IFT88: variants seen among roughly 807,000 people sequenced by gnomAD.
IFT88 encodes intraflagellar transport protein 88 homolog.
A neutral mutation model predicts 119.5 loss-of-function variants in IFT88; 74 were observed. The observed-to-expected ratio is 0.62, with a 90% CI of 0.51 to 0.75. The LOEUF is 0.75. Ranked by LOEUF, IFT88 falls within the 30% of genes least tolerant of loss-of-function variation. The pLI is 0.00. For missense variants in IFT88, 961 were observed against 977.7 expected, an observed-to-expected ratio of 0.98 and a Z score of 0.23; for synonymous variants, 279 against 316.7, an observed-to-expected ratio of 0.88 and a Z score of 1.26.
rs371403088 is a variant in IFT88, at chr13:20,578,083, A to C, written c.90+3608A>C. Among the ~76,000 whole-genome samples the C allele has an allele frequency of 1.0e-4, 11 of 108,860 alleles. No homozygotes were observed. The East Asian group carries it at 3.6e-3, about 36-fold the overall frequency. The allele number at this position is 108,860 out of a possible 152,430, so 71.4% of individuals were successfully genotyped here. ...TTTTTCAGATGGAGTCTCACTCTGT[A>C]GCCCAGGCTGGAGTGCAGTGGTGCA... On this transcript the variant is annotated intron_variant, in intron 2 of 25. Coordinates refer to ENST00000351808, the MANE Select transcript of IFT88 (RefSeq NM_006531.5).
Position 20,653,868 on chromosome 13 carries a change from T to C in IFT88, c.1950-8T>C. 1 of 1,516,854 alleles carries C rather than the reference T, an allele frequency of 6.6e-7. No individual in the cohort carries two copies. The highest frequency in any genetic ancestry group is 8.9e-7 in the Non-Finnish European group (1 of 1,120,646). 94.0% of individuals were successfully genotyped at this position (1,516,854 alleles called of 1,614,324 possible). On this transcript the variant is annotated splice_polypyrimidine_tract_variant and splice_region_variant and intron_variant, in intron 20 of 25. Transcript: ENST00000351808. ...TCTCTAATTTCATCTCATTTATTTA[T>C]TTTATAGGCCTACACAAGTGAAATG...
intron 24 of IFT88, among the ~76,000 whole-genome samples, chr13:20,680,680 C>G (rs989499659): frequency 2.4e-4 from 37 of 152,192 alleles, no homozygotes; most frequent in Admixed American, 2.2e-3. Context: ...TCCTTATTGT[C>G]AGTCTCAACA....
chr13:20,680,359 T>G (rs963677169), intron 24 of IFT88, among the ~76,000 whole-genome samples: 1 of 152,248 alleles, frequency 6.6e-6, no homozygotes, highest in African/African-American at 2.4e-5. Flanking sequence ...CTCTATCATC[T>G]ATAGAACTAG....
intron 2 of IFT88, among the ~76,000 whole-genome samples, chr13:20,580,872 C>T (rs1175217784): frequency 2.0e-5 from 3 of 151,736 alleles, no homozygotes; most frequent in African/African-American, 7.3e-5. Flanking sequence ...ACTACAGGCG[C>T]CCGCCACCAC....
At chr13:20,590,837 C>G (rs2040544463) in intron 4 of IFT88, 130 bp from the exon 5 acceptor site, 1 of 632,198 alleles carries the variant, frequency 1.6e-6, no homozygotes, top group South Asian at 2.0e-5. Flanking sequence ...CCTATACGCC[C>G]AGGAGGTACA....
intron 21 of IFT88, among the ~76,000 whole-genome samples, chr13:20,656,121 T>TAAAAAAAA (rs2052735925): frequency 4.2e-4 from 1 of 2,374 alleles, no homozygotes; most frequent in Non-Finnish European, 1.1e-3. Context: ...CCTCGTCTCT[T>TAAAAAAAA]TAAAAAAAAA....
intron 3 of IFT88, among the ~76,000 whole-genome samples, chr13:20,587,994 T>C (rs991365998): frequency 9.5e-5 from 9 of 94,460 alleles, no homozygotes; most frequent in African/African-American, 3.1e-4. Flanking sequence ...TCTTACTATT[T>C]GCTTTTTTTT....
In IFT88 at chr13:20,679,396, C is replaced by T. The variant is rs114899940; in HGVS notation, c.2242+8357C>T. On this transcript the variant is annotated intron_variant, in intron 24 of 25. Coordinates refer to ENST00000351808, the MANE Select transcript of IFT88 (RefSeq NM_006531.5). ...CAGTAGCTGTGACAGCAGTCAATCC[C>T]GTAATGATTAAAATTAAAGTGGCAA... Among the ~76,000 whole-genome samples the T allele has an allele frequency of 2.0e-3, 303 of 152,270 alleles. 1 individual carries two copies. The highest frequency in any genetic ancestry group is 6.9e-3 in the African/African-American group (287 of 41,532).
In IFT88 at chr13:20,569,078, C is replaced by A. The variant is rs113237125; in HGVS notation, c.-7+1822C>A. Among the ~76,000 whole-genome samples, 1,491 of 151,956 alleles carry A rather than the reference C, an allele frequency of 9.8e-3. 25 individuals are homozygous for A. The highest frequency in any genetic ancestry group is 0.034 in the African/African-American group (1,398 of 41,426). On this transcript the variant is annotated intron_variant, in intron 1 of 25. Coordinates refer to ENST00000351808, the MANE Select transcript of IFT88 (RefSeq NM_006531.5). ...CCATTTCTATGTGGGTGACATTTGCCCTCATAGTAGTTAATTTTCATCTTC... is the reference window on the plus strand; with the variant it reads ...CCATTTCTATGTGGGTGACATTTGCACTCATAGTAGTTAATTTTCATCTTC...
At chr13:20,615,037 G>A (rs1043307919) in intron 13 of IFT88, among the ~76,000 whole-genome samples, 7 of 152,008 alleles carry the variant, frequency 4.6e-5, no homozygotes, top group Non-Finnish European at 8.8e-5. Context: ...GGATGGTCTC[G>A]ATCTCCTGAC....
At chr13:20,607,476 T>C in intron 13 of IFT88, 2 of 678,704 alleles carry the variant, frequency 2.9e-6, no homozygotes, top group Non-Finnish European at 5.5e-6. Context: ...AGCGGCGTCC[T>C]GATGGCCACG....
At chr13:20,652,614 TG>T (rs769043496) in intron 20 of IFT88, among the ~76,000 whole-genome samples, 23 of 150,176 alleles carry the variant, frequency 1.5e-4, no homozygotes, top group Non-Finnish European at 2.2e-4. Flanking sequence ...GGACCCTGTC[TG>T]AAAAAAAAAA....
chr13:20,609,766 A>C (rs2044152279), intron 13 of IFT88, among the ~76,000 whole-genome samples: 1 of 92,342 alleles, frequency 1.1e-5, no homozygotes, highest in African/African-American at 6.0e-5. Context: ...ACAAACAGAA[A>C]AAAAACAAAA....
intron 17 of IFT88, among the ~76,000 whole-genome samples, chr13:20,640,869 G>T (rs1477099546): frequency 6.6e-6 from 1 of 152,074 alleles, no homozygotes; most frequent in East Asian, 1.9e-4. Flanking sequence ...CAGTTGGCCG[G>T]GTGTGGTGGC....
chr13:20,580,380 G>T (rs1310370256), intron 2 of IFT88, among the ~76,000 whole-genome samples: 5 of 152,026 alleles, frequency 3.3e-5, no homozygotes, highest in Admixed American at 3.3e-4. Context: ...AGCCAGCCGT[G>T]GTGGCGGGCA....
intron 13 of IFT88, chr13:20,612,218 C>T (rs977996642): frequency 6.6e-6 from 1 of 152,084 alleles, no homozygotes; most frequent in African/African-American, 2.4e-5. Flanking sequence ...CTGATGCTTC[C>T]GCTATCCAAG....
In IFT88 at chr13:20,665,252, T is replaced by C. The variant is rs529875213; in HGVS notation, c.2175+1648T>C. On this transcript the variant is annotated intron_variant, in intron 23 of 25. Coordinates refer to ENST00000351808, the MANE Select transcript of IFT88 (RefSeq NM_006531.5). The stretch of plus-strand genomic sequence containing the variant: ...ATCAGGAAACAATGCCAAGAAATGC[T>C]TTCTTTTGGCCAGATTGACAAAATA... 2.0e-5 allele frequency among the ~76,000 whole-genome samples: 3 copies of C among 152,330 alleles called. No homozygotes were observed. In the South Asian group the frequency reaches 6.2e-4, roughly 32 times the overall value.
chr13:20,678,818 C>T (rs1480248674), intron 24 of IFT88, among the ~76,000 whole-genome samples: 4 of 152,158 alleles, frequency 2.6e-5, no homozygotes, highest in South Asian at 2.1e-4. Flanking sequence ...AGCTTTGTCA[C>T]GGTGGGCTAC....
intron 14 of IFT88, among the ~76,000 whole-genome samples, chr13:20,621,536 A>T (rs1304446197): frequency 1.8e-4 from 3 of 16,366 alleles, no homozygotes; most frequent in Admixed American, 1.1e-3. Context: ...TAAAAAAAAA[A>T]AAAAAAAAAA....
Sources: gnomAD v4.1 joint callset for allele counts (sites outside exome capture counted in the v4.1 genomes callset) on GRCh38, gnomAD v4.1.1 for gene constraint, MANE v1.5 for transcripts, NCBI Gene and HGNC (gene_info 2026-07-23, HGNC 2026-07-21) for gene names.